Variants in OTUD7A observed in about 807,000 individuals in gnomAD.
OTUD7A encodes OTU deubiquitinase 7A, also known as OTU domain-containing protein 7A.
A neutral mutation model predicts 65.7 loss-of-function variants in OTUD7A; 12 were observed. That is an observed-to-expected ratio of 0.18 (90% CI 0.12 to 0.30). The LOEUF (loss-of-function observed/expected upper bound fraction) is 0.30. Among genes scored for constraint, OTUD7A ranks in the 10% least tolerant of loss-of-function variants. The pLI is 1.00. For missense variants in OTUD7A, 1,148 were observed against 1,304.8 expected (o/e 0.88, Z 1.85); for synonymous variants, 641 against 586.3 (o/e 1.09, Z -1.35).
chr15:31,551,393 G>C (rs544867840), intron 5 of OTUD7A, among the ~76,000 whole-genome samples: 3 of 152,306 alleles, frequency 2.0e-5, no homozygotes, highest in Admixed American at 1.3e-4. Flanking sequence ...CACAGAACAG[G>C]AACAAGACAC....
chr15:31,619,565 CTCTG>C (rs1307011644), intron 3 of OTUD7A, among the ~76,000 whole-genome samples: 4 of 44,884 alleles, frequency 8.9e-5, no homozygotes, highest in African/African-American at 2.9e-4. Context: ...TGATTTGGCT[CTCTG>C]TCTGTTATTG....
chr15:31,622,556 T>A (rs915579555), intron 3 of OTUD7A, among the ~76,000 whole-genome samples: 15 of 152,244 alleles, frequency 9.9e-5, no homozygotes, highest in African/African-American at 3.6e-4. Flanking sequence ...TTGATGGAAT[T>A]GGCTACTGAA....
Position 31,483,860 on chromosome 15 carries a change from C to A in OTUD7A, c.2236G>T (p.Ala746Ser). 1.0e-6 allele frequency: 1 copy of A among 985,150 alleles called. No homozygotes were observed. The highest frequency in any genetic ancestry group is 1.2e-6 in the Non-Finnish European group (1 of 831,708). The allele number at this position is 985,150 out of a possible 1,614,324, so 61.0% of individuals were successfully genotyped here. A position where few individuals can be genotyped will look rare whatever the true frequency, so the allele number is the denominator to read the frequency against. The change falls in exon 13 of 13, where the codon GCG becomes TCG. Residue 746 changes from alanine (A) to serine (S), a missense_variant. This residue lies in a region of OTUD7A where 842 missense variants were observed against 769.5 expected (regional missense o/e 1.09). Coordinates refer to ENST00000307050, the MANE Select transcript of OTUD7A (RefSeq NM_001382637.1). Reference sequence around the variant, plus strand: ...CCCCCCGGGGAGGCCGTGCCGCCCGCCGCCGCCCGCGCCGCACGCCCTGCC... The same window carrying A: ...CCCCCCGGGGAGGCCGTGCCGCCCGACGCCGCCCGCGCCGCACGCCCTGCC... The part of the protein sequence containing the change: ...PAAGRAARAA[A>S]GGTASPGGGA...
At chr15:31,534,535 T>G (rs1595590977) in intron 5 of OTUD7A, among the ~76,000 whole-genome samples, 1 of 152,164 alleles carries the variant, frequency 6.6e-6, no homozygotes, top group Non-Finnish European at 1.5e-5. Context: ...CAACATAGTA[T>G]GAGAAGTCCT....
intron 3 of OTUD7A, among the ~76,000 whole-genome samples, chr15:31,628,530 G>A (rs1368176076): frequency 6.6e-6 from 1 of 152,194 alleles, no homozygotes; most frequent in Admixed American, 6.5e-5. Context: ...GTAGGGTGAT[G>A]CCTCCAGCTT....
chr15:31,673,157 C>T (rs2338912), intron 1 of OTUD7A, among the ~76,000 whole-genome samples: 3,954 of 152,274 alleles, frequency 0.026, 158 homozygotes, highest in African/African-American at 0.091. Context: ...TGAAATAAGT[C>T]GAACCATCGT....
intron 1 of OTUD7A, among the ~76,000 whole-genome samples, chr15:31,679,403 T>C (rs555613750): frequency 2.0e-5 from 3 of 152,356 alleles, no homozygotes; most frequent in East Asian, 1.9e-4. Context: ...TGTGGAATTA[T>C]ATGGTTTGGC....
At chr15:31,539,121 G>T (rs1397726427) in intron 5 of OTUD7A, among the ~76,000 whole-genome samples, 1 of 152,102 alleles carries the variant, frequency 6.6e-6, no homozygotes, top group East Asian at 1.9e-4. Context: ...CCTAGGTGGG[G>T]AGTGGCTATC....
chr15:31,633,819 A>C (rs959665771), intron 3 of OTUD7A, among the ~76,000 whole-genome samples: 1 of 151,994 alleles, frequency 6.6e-6, no homozygotes, highest in Non-Finnish European at 1.5e-5. Flanking sequence ...CACTCCATCT[A>C]TCTTGCTCCC....
intron 5 of OTUD7A, among the ~76,000 whole-genome samples, chr15:31,548,743 G>A (rs990665164): frequency 3.3e-5 from 5 of 152,274 alleles, no homozygotes; most frequent in African/African-American, 9.6e-5. Context: ...TATCCCAGAT[G>A]ACCACATCCA....
chr15:31,635,301 A>G (rs1212086132), intron 3 of OTUD7A, among the ~76,000 whole-genome samples: 2 of 152,204 alleles, frequency 1.3e-5, no homozygotes, highest in African/African-American at 4.8e-5. Flanking sequence ...CCTGGGACCT[A>G]CAGGTCACCT....
chr15:31,681,909 TA>T (rs1892726240), intron 1 of OTUD7A, among the ~76,000 whole-genome samples: 1 of 151,940 alleles, frequency 6.6e-6, no homozygotes, highest in African/African-American at 2.4e-5. Flanking sequence ...GCTGCTGGCC[TA>T]AAAAGCAAAT....
intron 3 of OTUD7A, among the ~76,000 whole-genome samples, chr15:31,643,536 T>C (rs551366679): frequency 4.9e-4 from 75 of 152,356 alleles, no homozygotes; most frequent in Non-Finnish European, 7.8e-4. Context: ...ATGTACCTTA[T>C]TCTATTCTAT....
intron 1 of OTUD7A, among the ~76,000 whole-genome samples, chr15:31,753,711 TA>T (rs1894719613): frequency 1.7e-5 from 2 of 116,516 alleles, no homozygotes; most frequent in African/African-American, 8.8e-5. Context: ...ATTATATATA[TA>T]TATATATATT....
intron 3 of OTUD7A, among the ~76,000 whole-genome samples, chr15:31,594,900 G>A (rs1262708703): frequency 2.0e-5 from 3 of 152,116 alleles, no homozygotes; most frequent in East Asian, 3.8e-4. Flanking sequence ...GTCTTCCCAG[G>A]AGACTGCATC....
chr15:31,602,119 C>G (rs768201759), intron 3 of OTUD7A, among the ~76,000 whole-genome samples: 2 of 152,170 alleles, frequency 1.3e-5, no homozygotes, highest in Non-Finnish European at 2.9e-5. Context: ...CCAGCATCAT[C>G]CTGATACCAA....
intron 1 of OTUD7A, among the ~76,000 whole-genome samples, chr15:31,670,501 C>A (rs1892453506): frequency 6.6e-6 from 1 of 152,152 alleles, no homozygotes; most frequent in African/African-American, 2.4e-5. Flanking sequence ...TATCTCATTG[C>A]AGTTTTGCTT....
intron 1 of OTUD7A, among the ~76,000 whole-genome samples, chr15:31,728,318 A>T: frequency 6.6e-6 from 1 of 151,996 alleles, no homozygotes; most frequent in Non-Finnish European, 1.5e-5. Flanking sequence ...CCCCATTTTC[A>T]CTTCCACCAT....
At chr15:31,672,794 G>C (rs1375782531) in intron 1 of OTUD7A, among the ~76,000 whole-genome samples, 1 of 152,218 alleles carries the variant, frequency 6.6e-6, no homozygotes, top group African/African-American at 2.4e-5. Context: ...TCACTCAGTT[G>C]TACCTTCCCA....
Sources: gnomAD v4.1 joint callset for allele counts (sites outside exome capture counted in the v4.1 genomes callset) on GRCh38, gnomAD v4.1.1 for gene constraint, gnomAD v4.1.1 regional missense constraint, MANE v1.5 for transcripts, NCBI Gene and HGNC (gene_info 2026-07-23, HGNC 2026-07-21) for gene names.